The following MACF1 variants were observed in gnomAD, a reference collection of about 807,000 sequenced individuals.
The protein encoded by MACF1 is microtubule actin crosslinking factor 1, also known as microtubule-actin cross-linking factor 1.
In MACF1, 193 loss-of-function variants were observed where a neutral mutation model predicts 854.8. The observed-to-expected ratio is 0.23, with a 90% confidence interval of 0.20 to 0.25. The LOEUF is 0.25. Ranked by LOEUF, MACF1 falls within the 10% of genes least tolerant of loss-of-function variation. The pLI is 1.00. For missense variants in MACF1, 7,722 were observed against 8,929.1 expected (o/e 0.86, Z 5.45); for synonymous variants, 3,185 against 3,226.7 (o/e 0.99, Z 0.44).
rs1201349198 is a variant in MACF1 at position 39,084,243 on chromosome 1, C to A, written c.25C>A (p.Leu9Ile). The A allele has an allele frequency of 6.2e-7, 1 of 1,613,630 alleles. No individual in the cohort carries two copies. The highest frequency in any genetic ancestry group is 8.5e-7 in the Non-Finnish European group (1 of 1,180,032). Residue 9 changes from leucine (L) to isoleucine (I), a missense_variant, in exon 2 of 94, where the codon CTC becomes ATC. Leu to Ile is a conservative substitution (Grantham distance 5). Coordinates refer to the MACF1 transcript ENST00000361689. This position sits in a 1 kb window ranked among gnomAD's most constrained non-coding sequence, Gnocchi z 5.2. ...CATGTCTTCCTCAGATGAAGAGACG[C>A]TCAGTGAGCGGTCATGTCGGAGTGA...
chr1:39,347,842 A>C (rs1465858283), intron 41 of MACF1, among the ~76,000 whole-genome samples: 1 of 152,076 alleles, frequency 6.6e-6, no homozygotes, highest in Non-Finnish European at 1.5e-5. Context: ...GGATGATACT[A>C]AAACAAACAA....
chr1:39,190,255 C>G (rs1405476385), intron 2 of MACF1, among the ~76,000 whole-genome samples: 1 of 151,868 alleles, frequency 6.6e-6, no homozygotes, highest in African/African-American at 2.4e-5. Flanking sequence ...CTTTTCTTTT[C>G]TCCCTCCTTC....
chr1:39,276,490 C>T (rs1203220955), intron 6 of MACF1, among the ~76,000 whole-genome samples: 1 of 152,182 alleles, frequency 6.6e-6, no homozygotes, highest in Non-Finnish European at 1.5e-5. Context: ...TTTAAACCTT[C>T]TCATTTTAAC....
In MACF1 at chr1:39,287,392, A is replaced by G. The variant is rs768127899; in HGVS notation, c.1615A>G (p.Thr539Ala). 3.2e-5 allele frequency: 52 copies of G among 1,613,844 alleles called. No homozygotes were observed. The highest frequency in any genetic ancestry group is 4.4e-5 in the Non-Finnish European group (52 of 1,180,000). ...SLELVPPSTL[T>A]TTHLKAEPLT... ...TGAATTGGTTCCACCCTCTACTTTA[A>G]CCACCACTCATCTGAAAGCAGAACC... The change falls in exon 15 of 101, where the codon ACC becomes GCC. Residue 539 changes from threonine (T) to alanine (A), a missense_variant. Physicochemically the swap from Thr to Ala is moderately conservative, Grantham distance 58. Transcript: ENST00000564288.
chr1:39,310,743 A>T, intron 25 of MACF1, 88 bp from the exon 26 acceptor site: 7 of 1,321,036 alleles, frequency 5.3e-6, no homozygotes, highest in Non-Finnish European at 6.2e-6. Context: ...AGATTCCCTA[A>T]ATAAAGCCTT....
chr1:39,102,875 A>G, intron 2 of MACF1: 3 of 702,528 alleles, frequency 4.3e-6, no homozygotes. Context: ...GAAAGAAGCG[A>G]AAAACCTCCC....
In MACF1 at chr1:39,414,668, A is replaced by G. The variant is rs1466448212; in HGVS notation, c.15817-7706A>G. 4 of 830,550 alleles carry G rather than the reference A, an allele frequency of 4.8e-6. No homozygotes were observed. In the South Asian group the frequency reaches 6.9e-5, roughly 14 times the overall value. 51.4% of individuals were successfully genotyped at this position (830,550 alleles called of 1,614,324 possible). On this transcript the variant is annotated intron_variant, in intron 58 of 100. Transcript: ENST00000564288. The stretch of plus-strand genomic sequence containing the variant: ...TTAATTTTGTCTGGTGAAAGACTTT[A>G]TAATTTCATGCTTCGTTTTTTATTC...
chr1:39,213,452 C>T (rs651456), intron 1 of MACF1, among the ~76,000 whole-genome samples: 14,278 of 152,182 alleles, frequency 0.094, 1,731 homozygotes, highest in African/African-American at 0.29. Flanking sequence ...CTGCCTCAGC[C>T]TCTCAAGTAG....
At chr1:39,383,105 A>G (rs1033249849) in intron 56 of MACF1, among the ~76,000 whole-genome samples, 8 of 152,230 alleles carry the variant, frequency 5.3e-5, no homozygotes, top group African/African-American at 4.8e-5. Context: ...TGGGCAACAG[A>G]GCAAAAACTG....
rs757693103 is a variant in MACF1 at position 39,310,457 on chromosome 1, A to G, written c.3100+29A>G. ...TGTGCACTGGGAAGAGGGAAAGAGA[A>G]TAGTAGAATGAGAGCCTTTCAAGGG... On this transcript the variant is annotated intron_variant, in intron 25 of 100. Transcript: ENST00000564288. 7 of 1,597,798 alleles carry G rather than the reference A, an allele frequency of 4.4e-6. No homozygotes were observed. The South Asian group carries it at 4.5e-5, about 10-fold the overall frequency.
chr1:39,360,118 A>G (rs1471456454), intron 47 of MACF1, among the ~76,000 whole-genome samples: 5 of 144,640 alleles, frequency 3.5e-5, no homozygotes, highest in Non-Finnish European at 1.5e-5. Context: ...TATATCGTAT[A>G]CTTGAAAATG....
At position 39,412,603 on chromosome 1, in the gene MACF1, G is replaced by C. The variant is rs761277600; in HGVS notation, c.15817-9771G>C. ...ACTTAATCCAGATGGAGTGGAAACT[G>C]TGAATGATACAAAGCCTGAGCTGAA... is the stretch of plus-strand genomic sequence containing the variant. On this transcript the variant is annotated intron_variant, in intron 58 of 100. Transcript: ENST00000564288. 8.7e-6 allele frequency: 14 copies of C among 1,613,898 alleles called. No homozygotes were observed. The East Asian group carries it at 2.7e-4, about 31-fold the overall frequency.
chr1:39,380,149 A>G (rs1412229676), intron 54 of MACF1, 95 bp from the exon 55 acceptor site: 9 of 1,304,984 alleles, frequency 6.9e-6, no homozygotes, highest in South Asian at 2.5e-5. Flanking sequence ...AGTAGAGTCT[A>G]TAATAACTGC....
At chr1:39,168,903 C>T (rs1643909745) in intron 2 of MACF1, among the ~76,000 whole-genome samples, 1 of 152,146 alleles carries the variant, frequency 6.6e-6, no homozygotes, top group African/African-American at 2.4e-5. Flanking sequence ...GCTGGGATTA[C>T]AGGTGTGAGC....
chr1:39,171,632 A>G (rs1267248325), intron 2 of MACF1, among the ~76,000 whole-genome samples: 1 of 151,922 alleles, frequency 6.6e-6, no homozygotes, highest in African/African-American at 2.4e-5. Context: ...CAGACATTAT[A>G]ATTTTCTTTT....
rs1395305471 is a variant in MACF1 at position 39,337,243 on chromosome 1, T to C, written c.10127T>C (p.Leu3376Pro). The C allele has an allele frequency of 1.2e-6, 2 of 1,614,136 alleles. No individual in the cohort carries two copies. Among genetic ancestry groups the C allele is most frequent in the Admixed American group, 1.7e-5 (1 of 60,024 alleles). ...HDEKLVSYLS[L>P]LRNIEMRTKQ... ...GAAAAGCTAGTATCCTATCTGTCTCTGTTACGGAACATTGAAATGAGGACC... is the reference window on the plus strand; with the variant it reads ...GAAAAGCTAGTATCCTATCTGTCTCCGTTACGGAACATTGAAATGAGGACC... Residue 3376 changes from leucine (L) to proline (P), a missense_variant, in exon 38 of 101, where the codon CTG becomes CCG. Physicochemically the swap from Leu to Pro is moderately conservative, Grantham distance 98 (BLOSUM62 -3). This residue lies in a region of MACF1 where 854 missense variants were observed against 852.6 expected (regional missense o/e 1.00). Transcript: ENST00000564288.
intron 2 of MACF1, among the ~76,000 whole-genome samples, chr1:39,107,317 T>G (rs1642269943): frequency 6.6e-6 from 1 of 151,092 alleles, no homozygotes; most frequent in East Asian, 1.9e-4. Flanking sequence ...AGGAGAGACC[T>G]CTTTTGTTCA....
intron 2 of MACF1, among the ~76,000 whole-genome samples, chr1:39,172,612 AT>A (rs758946631): frequency 1.3e-5 from 2 of 152,080 alleles, no homozygotes; most frequent in Non-Finnish European, 2.9e-5. Context: ...CACTCTGGGG[AT>A]TTCAAGGCCA....
chr1:39,414,395 T>G, intron 58 of MACF1: 1 of 1,613,994 alleles, frequency 6.2e-7, no homozygotes. Context: ...GATTCCCTAG[T>G]ATTTGGCATA....
Sources: allele counts gnomAD v4.1 joint callset (sites outside exome capture counted in the v4.1 genomes callset), GRCh38; gene constraint gnomAD v4.1.1; regional missense constraint gnomAD v4.1.1; non-coding constraint Gnocchi (gnomAD v3.1); transcripts MANE v1.5; gene names NCBI Gene and HGNC (gene_info 2026-07-23, HGNC 2026-07-21).